PPM1H: variants seen among roughly 807,000 people sequenced by gnomAD.
The protein encoded by PPM1H is protein phosphatase 1H.
A neutral mutation model predicts 54.9 loss-of-function variants in PPM1H; 27 were observed. The observed-to-expected ratio is 0.49, with a 90% CI of 0.36 to 0.68. The LOEUF (loss-of-function observed/expected upper bound fraction) is 0.68, where lower values mean the gene tolerates loss of function less well. Among genes scored for constraint, PPM1H ranks in the 30% least tolerant of loss-of-function variants. The pLI is 0.00. For missense variants in PPM1H, 596 were observed against 667.8 expected (o/e 0.89, Z 1.19); for synonymous variants, 305 against 270.8 (o/e 1.13, Z -1.24).
chr12:62,736,346 C>G (rs572703085), intron 5 of PPM1H, among the ~76,000 whole-genome samples: 1 of 152,304 alleles, frequency 6.6e-6, no homozygotes, highest in South Asian at 2.1e-4. Flanking sequence ...GTCCTTTCCA[C>G]CGGCCTAGAC....
intron 1 of PPM1H, among the ~76,000 whole-genome samples, chr12:62,851,429 G>T (rs947732201): frequency 6.6e-6 from 1 of 152,232 alleles, no homozygotes; most frequent in African/African-American, 2.4e-5. Context: ...AGGGCTGGGC[G>T]CAGTGGCTCA....
Position 62,701,019 on chromosome 12 carries a change from T to C in PPM1H, c.1074-7020A>G, listed in dbSNP as rs147309239. On this transcript the variant is annotated intron_variant, in intron 6 of 9. Coordinates refer to ENST00000228705, the MANE Select transcript of PPM1H (RefSeq NM_020700.2). ...TACTGCTTCTTCATGCCCTTTAAGT[T>C]CTATGGGGATAGATTTTTGTTTTGC... Among the ~76,000 whole-genome samples, 443 of 152,332 alleles carry C rather than the reference T, an allele frequency of 2.9e-3. 1 individual carries two copies. The highest frequency in any genetic ancestry group is 0.02 in the Middle Eastern group (6 of 294).
intron 1 of PPM1H, among the ~76,000 whole-genome samples, chr12:62,881,781 A>G (rs1168557524): frequency 6.6e-6 from 1 of 152,228 alleles, no homozygotes. Flanking sequence ...CTCCAGAAAC[A>G]GGGTCAATGC....
At chr12:62,753,871 G>C (rs915194530) in intron 4 of PPM1H, among the ~76,000 whole-genome samples, 1 of 152,164 alleles carries the variant, frequency 6.6e-6, no homozygotes, top group African/African-American at 2.4e-5. Context: ...TGGAGCTTGG[G>C]CTTTCTTGTT....
At chr12:62,863,441 G>T (rs565501166) in intron 1 of PPM1H, among the ~76,000 whole-genome samples, 126 of 152,280 alleles carry the variant, frequency 8.3e-4, no homozygotes, top group Middle Eastern at 3.4e-3. Flanking sequence ...AAATGCAAAA[G>T]GGTGTCTAAT....
chr12:62,882,008 T>TA lies in PPM1H; in HGVS notation c.246-49730dup, dbSNP rs1412799325. 5.9e-5 allele frequency among the ~76,000 whole-genome samples: 9 copies of TA among 152,122 alleles called. No homozygotes were observed. In the South Asian group the frequency reaches 1.7e-3, roughly 28 times the overall value. ...ATTCTAGACTATCAGGGTTTTGTCCTAAAAAAATCCAAGAAACATGCCAAA... is the reference window on the plus strand; with the variant it reads ...ATTCTAGACTATCAGGGTTTTGTCCTAAAAAAAATCCAAGAAACATGCCAAA... On this transcript the variant is annotated intron_variant, in intron 1 of 9. Transcript: ENST00000228705.
intron 9 of PPM1H, chr12:62,658,823 G>T: frequency 1.9e-6 from 1 of 525,554 alleles, no homozygotes; most frequent in South Asian, 1.7e-5. Flanking sequence ...TGGCATCAGG[G>T]CCAACTTCAG....
intron 1 of PPM1H, among the ~76,000 whole-genome samples, chr12:62,859,217 C>T (rs1250458682): frequency 6.6e-6 from 1 of 152,168 alleles, no homozygotes; most frequent in East Asian, 1.9e-4. Context: ...ATGCGATCTT[C>T]AATTCTAGTT....
Position 62,720,254 on chromosome 12 carries a change from G to A in PPM1H, c.990C>T (p.Phe330=), listed in dbSNP as rs746033361. 6.2e-7 allele frequency: 1 copy of A among 1,613,670 alleles called. No homozygotes were observed. Among genetic ancestry groups the A allele is most frequent in the South Asian group, 1.1e-5 (1 of 91,070 alleles). ...CTCTCCTTGGAAACTCCAAATGTGT[G>A]AACTCATTTCCCAGCAAGTGAGGCT... ...FMQPHLLGNE[F]THLEFPRRVQ... Residue 330 remains phenylalanine, a synonymous_variant, in exon 6 of 10, where the codon TTC becomes TTT. Coordinates refer to ENST00000228705, the MANE Select transcript of PPM1H (RefSeq NM_020700.2).
At chr12:62,895,873 A>T (rs1241451785) in intron 1 of PPM1H, among the ~76,000 whole-genome samples, 1 of 152,156 alleles carries the variant, frequency 6.6e-6, no homozygotes, top group Admixed American at 6.5e-5. Context: ...AGCCTGCAGA[A>T]CCATGAGCCA....
rs144023056 is a variant in PPM1H at position 62,803,879 on chromosome 12, C to T, written c.412-1719G>A. On this transcript the variant is annotated intron_variant, in intron 2 of 9. Transcript: ENST00000228705. ...TGCAAACAAAACAAAACAAGCAAGC[C>T]GATGAAAAAATGGGCAAAGGGCTTG... Among the ~76,000 whole-genome samples the T allele has an allele frequency of 2.2e-4, 34 of 152,010 alleles. No homozygotes were observed. The East Asian group carries it at 3.5e-3, about 16-fold the overall frequency.
At chr12:62,788,850 C>T (rs779971879) in intron 3 of PPM1H, among the ~76,000 whole-genome samples, 2 of 151,702 alleles carry the variant, frequency 1.3e-5, no homozygotes, top group African/African-American at 2.4e-5. Flanking sequence ...CTCAGCCTTC[C>T]GAGTACCTGG....
intron 2 of PPM1H, among the ~76,000 whole-genome samples, chr12:62,826,302 AGC>A (rs1242833456): frequency 5.9e-5 from 9 of 152,280 alleles, no homozygotes; most frequent in African/African-American, 2.2e-4. Flanking sequence ...ATACAAAAAT[AGC>A]CAGGTATGGT....
At chr12:62,804,226 C>T (rs369100147) in intron 2 of PPM1H, among the ~76,000 whole-genome samples, 3 of 152,232 alleles carry the variant, frequency 2.0e-5, no homozygotes, top group East Asian at 3.9e-4. Flanking sequence ...CAGTGGCTCA[C>T]GCCTGTAATC....
chr12:62,765,697 C>T (rs1159538524), intron 4 of PPM1H, among the ~76,000 whole-genome samples: 2 of 152,076 alleles, frequency 1.3e-5, no homozygotes, highest in South Asian at 2.1e-4. Flanking sequence ...ACCCTTGGGC[C>T]CCCGGCACAC....
At chr12:62,686,676 G>A (rs202115270) in intron 8 of PPM1H, among the ~76,000 whole-genome samples, 1 of 152,176 alleles carries the variant, frequency 6.6e-6, no homozygotes, top group East Asian at 1.9e-4. Flanking sequence ...ATTGCTATGA[G>A]GACTCAAGAG....
At chr12:62,731,765 A>C (rs957106075) in intron 5 of PPM1H, among the ~76,000 whole-genome samples, 3 of 152,194 alleles carry the variant, frequency 2.0e-5, no homozygotes, top group Admixed American at 2.0e-4. Context: ...TGACACCGGC[A>C]CGACTTAATG....
rs552407761 is a variant in PPM1H, at chr12:62,933,564, AC to A, written c.245+927del. Among the ~76,000 whole-genome samples the A allele has an allele frequency of 2.2e-3, 332 of 152,310 alleles. 1 individual carries two copies. Among genetic ancestry groups the A allele is most frequent in the African/African-American group, 7.3e-3 (305 of 41,580 alleles). ...TTTTGCACTCCCTGGTTCATTAATA[AC>A]CTTGAATTCTATTCTAAATGTCTCC... On this transcript the variant is annotated intron_variant, in intron 1 of 9. Coordinates refer to ENST00000228705, the MANE Select transcript of PPM1H (RefSeq NM_020700.2).
At chr12:62,806,166 A>G (rs985006907) in intron 2 of PPM1H, among the ~76,000 whole-genome samples, 1 of 151,994 alleles carries the variant, frequency 6.6e-6, no homozygotes, top group Non-Finnish European at 1.5e-5. Flanking sequence ...TATGGCAATA[A>G]ATACTGAAGG....
Sources: gnomAD v4.1 joint callset for allele counts (sites outside exome capture counted in the v4.1 genomes callset) on GRCh38, gnomAD v4.1.1 for gene constraint, MANE v1.5 for transcripts, NCBI Gene and HGNC (gene_info 2026-07-23, HGNC 2026-07-21) for gene names.